CHL1: variants seen among roughly 807,000 people sequenced by gnomAD.
The protein encoded by CHL1 is cell adhesion molecule L1 like.
CHL1 carries 96 observed loss-of-function variants against 141.9 expected under a neutral mutation model. That is an observed-to-expected ratio of 0.68 (90% CI 0.57 to 0.80). The LOEUF (loss-of-function observed/expected upper bound fraction) is 0.80. CHL1 is among the 30% of genes least tolerant of loss of function. CHL1 has a pLI of 0.00. For synonymous variants in CHL1, 613 were observed against 502.2 expected (o/e 1.22, Z -2.95); for missense variants, 1,820 against 1,457.2 (o/e 1.25, Z -4.05).
At position 398,305 on chromosome 3, in the gene CHL1, A is replaced by G; in HGVS notation, c.3173A>G (p.Glu1058Gly). The G allele has an allele frequency of 6.2e-7, 1 of 1,608,322 alleles. No homozygotes were observed. The highest frequency in any genetic ancestry group is 1.1e-5 in the South Asian group (1 of 90,924). ...ATAGAGGTATTTGAGCCGGGAGCTGAACATATAGTTCGCCTAATGACTAAG... is the reference window on the plus strand; with the variant it reads ...ATAGAGGTATTTGAGCCGGGAGCTGGACATATAGTTCGCCTAATGACTAAG... ...HPIEVFEPGAEHIVRLMTKNW... is the reference protein window; with the variant it reads ...HPIEVFEPGAGHIVRLMTKNW... The change falls in exon 25 of 28, where the codon GAA (glutamate) becomes GGA (glycine). Residue 1058 changes from glutamate to glycine, a missense_variant. Physicochemically the swap from Glu to Gly is moderately conservative, Grantham distance 98. Transcript: ENST00000256509.
intron 1 of CHL1, among the ~76,000 whole-genome samples, chr3:221,218 G>T (rs144939027): frequency 6.6e-6 from 1 of 152,196 alleles, no homozygotes. Flanking sequence ...CCTTGGGCAC[G>T]TGTTCTCAGG....
intron 15 of CHL1, among the ~76,000 whole-genome samples, chr3:372,192 G>C (rs923634039): frequency 6.6e-6 from 1 of 152,176 alleles, no homozygotes; most frequent in Non-Finnish European, 1.5e-5. Flanking sequence ...ATAATATCCG[G>C]AAGTGTGTTT....
At chr3:381,437 C>T (rs1323196132) in intron 16 of CHL1, among the ~76,000 whole-genome samples, 1 of 152,224 alleles carries the variant, frequency 6.6e-6, no homozygotes, top group Non-Finnish European at 1.5e-5. Flanking sequence ...TCAGCTCATG[C>T]TTAAGTCCCA....
At chr3:377,702 A>C in intron 15 of CHL1, 116 bp from the exon 16 acceptor site, 1 of 871,214 alleles carries the variant, frequency 1.1e-6, no homozygotes, top group Non-Finnish European at 1.7e-6. Flanking sequence ...CATTGCATAA[A>C]GTCATCTTTC....
intron 19 of CHL1, chr3:385,663 A>T (rs889418111): frequency 3.3e-5 from 5 of 151,988 alleles, no homozygotes; most frequent in Admixed American, 2.6e-4. Context: ...CTGCATCTCT[A>T]CTAAAAATAT....
intron 2 of CHL1, among the ~76,000 whole-genome samples, chr3:272,070 A>G (rs1200432059): frequency 2.0e-5 from 3 of 152,238 alleles, no homozygotes; most frequent in Non-Finnish European, 2.9e-5. Context: ...TATTTCTATT[A>G]TAAATAACAT....
chr3:336,254 A>C (rs1040714856), intron 5 of CHL1, among the ~76,000 whole-genome samples: 1 of 152,218 alleles, frequency 6.6e-6, no homozygotes, highest in African/African-American at 2.4e-5. Flanking sequence ...ACTAGATTAC[A>C]GTATCATCTA....
intron 24 of CHL1, 32 bp downstream of exon 24, chr3:394,904 G>T: frequency 6.5e-7 from 1 of 1,528,606 alleles, no homozygotes; most frequent in Non-Finnish European, 8.8e-7. Flanking sequence ...TTTTAATAGA[G>T]GCTTTAAAAA....
chr3:354,172 AT>A (rs538011288), intron 10 of CHL1, among the ~76,000 whole-genome samples: 2 of 152,332 alleles, frequency 1.3e-5, no homozygotes, highest in South Asian at 4.1e-4. Flanking sequence ...ACTAAGAAAT[AT>A]TCAAAATAAG....
At chr3:316,597 A>G (rs972338023) in intron 2 of CHL1, among the ~76,000 whole-genome samples, 3 of 151,984 alleles carry the variant, frequency 2.0e-5, no homozygotes, top group Non-Finnish European at 4.4e-5. Flanking sequence ...GCTATCAGAC[A>G]TCAGCTTCAT....
chr3:310,063 T>C (rs1426810667), intron 2 of CHL1, among the ~76,000 whole-genome samples: 4 of 152,036 alleles, frequency 2.6e-5, no homozygotes, highest in East Asian at 1.9e-4. Flanking sequence ...TTGATATATA[T>C]GTGAAAAAAA....
At chr3:343,303 T>G (rs1458214956) in intron 8 of CHL1, among the ~76,000 whole-genome samples, 1 of 152,182 alleles carries the variant, frequency 6.6e-6, no homozygotes, top group Non-Finnish European at 1.5e-5. Context: ...GTAATTATTT[T>G]GGGTCTCCCA....
rs111867167 is a variant in CHL1, at chr3:203,190, A to G, written c.-175+6127A>G. On this transcript the variant is annotated intron_variant, in intron 1 of 27. Transcript: ENST00000256509. ...GAAGAGGCACCATAGTCTATATAGG[A>G]GCCAAACCAATGTCCCTTGGACTTT... 8.7e-3 allele frequency among the ~76,000 whole-genome samples: 1,329 copies of G among 152,350 alleles called. 17 individuals carry two copies. The highest frequency in any genetic ancestry group is 0.031 in the African/African-American group (1,284 of 41,582).
chr3:319,652 A>T, intron 2 of CHL1, 31 bp from the exon 3 acceptor site: 1 of 563,026 alleles, frequency 1.8e-6, no homozygotes, highest in Non-Finnish European at 3.2e-6. Flanking sequence ...AGAGTTTGTG[A>T]ACTAACATGT....
At chr3:255,726 A>G (rs1694093637) in intron 2 of CHL1, among the ~76,000 whole-genome samples, 1 of 152,194 alleles carries the variant, frequency 6.6e-6, no homozygotes, top group Non-Finnish European at 1.5e-5. Flanking sequence ...ACAACCTAGA[A>G]CAGTAGTTCT....
chr3:296,228 T>C (rs928657594), intron 2 of CHL1, among the ~76,000 whole-genome samples: 1 of 152,186 alleles, frequency 6.6e-6, no homozygotes, highest in Non-Finnish European at 1.5e-5. Context: ...TGGCCTATCA[T>C]TCAGTTAAGA....
intron 24 of CHL1, among the ~76,000 whole-genome samples, chr3:396,608 TA>T (rs778529218): frequency 1.1e-4 from 17 of 152,190 alleles, no homozygotes; most frequent in Non-Finnish European, 1.5e-4. Context: ...TTCTTTAAAC[TA>T]AAAATGTAAC....
At chr3:261,326 G>A (rs1051919460) in intron 2 of CHL1, among the ~76,000 whole-genome samples, 89 of 152,076 alleles carry the variant, frequency 5.9e-4, no homozygotes, top group African/African-American at 2.1e-3. Flanking sequence ...AGAAGAGAGG[G>A]AAGGAAGAAA....
At chr3:285,650 A>G (rs987816693) in intron 2 of CHL1, among the ~76,000 whole-genome samples, 4 of 152,180 alleles carry the variant, frequency 2.6e-5, no homozygotes, top group African/African-American at 9.7e-5. Context: ...TAAAATTGAG[A>G]TCATAATTCT....
Sources: gnomAD v4.1 joint callset for allele counts (sites outside exome capture counted in the v4.1 genomes callset) on GRCh38, gnomAD v4.1.1 for gene constraint, MANE v1.5 for transcripts, NCBI Gene and HGNC (gene_info 2026-07-23, HGNC 2026-07-21) for gene names.